Variants in WDR48 observed in about 807,000 individuals in gnomAD.
WDR48 encodes the protein WD repeat-containing protein 48.
Under a neutral mutation model 94.0 loss-of-function variants are expected in WDR48, and 22 were observed. The observed-to-expected ratio is 0.23, with a 90% CI of 0.17 to 0.33. The LOEUF is 0.33. Among genes scored for constraint, WDR48 ranks in the 10% least tolerant of loss-of-function variants. The probability of loss-of-function intolerance (pLI) is 1.00; values close to 1 mark genes in which losing one functional copy is unlikely to be tolerated. For missense variants in WDR48, 541 were observed against 813.8 expected, an observed-to-expected ratio of 0.66 and a Z score of 4.08; for synonymous variants, 278 against 280.5, an observed-to-expected ratio of 0.99 and a Z score of 0.09.
rs765421927 is a variant in WDR48 at position 39,085,550 on chromosome 3, G to T, written c.1414G>T (p.Glu472Ter). 1.2e-6 allele frequency: 2 copies of T among 1,612,398 alleles called. No individual in the cohort carries two copies. Among genetic ancestry groups the T allele is most frequent in the Non-Finnish European group, 1.7e-6 (2 of 1,179,542 alleles). The change falls in exon 14 of 19, where the codon GAA becomes TAA. Residue 472 changes from glutamate (E) to a stop codon, truncating the protein, a stop_gained. Transcript: ENST00000302313. LOFTEE classifies it high-confidence loss of function. Reference protein sequence around the residue: ...LGGLLLQALLEYWPRTHVNPM... With the variant: ...LGGLLLQALL ...AGGACTTTTACTCCAAGCACTCCTGGAATATTGGCCTAGAACACATGTGAA... is the reference window on the plus strand; with the variant it reads ...AGGACTTTTACTCCAAGCACTCCTGTAATATTGGCCTAGAACACATGTGAA...
intron 15 of WDR48, 26 bp from the exon 16 acceptor site, chr3:39,089,204 AC>A (rs1475135640): frequency 1.2e-6 from 2 of 1,600,572 alleles, no homozygotes; most frequent in Admixed American, 3.4e-5. Context: ...TTGTTGGGTT[AC>A]TTACTACTTG....
chr3:39,093,240 G>GA (rs1383046377), intron 17 of WDR48, among the ~76,000 whole-genome samples: 13 of 152,200 alleles, frequency 8.5e-5, no homozygotes, highest in African/African-American at 2.9e-4. Flanking sequence ...TGAGCACTAA[G>GA]AGTGTCGGAC....
intron 17 of WDR48, among the ~76,000 whole-genome samples, chr3:39,093,309 G>A (rs1379700568): frequency 6.6e-6 from 1 of 152,154 alleles, no homozygotes; most frequent in Non-Finnish European, 1.5e-5. Context: ...CCCAGGTTCT[G>A]GGAAAGTATT....
At chr3:39,092,193 AACAC>A (rs1487597381) in intron 17 of WDR48, among the ~76,000 whole-genome samples, 3 of 152,066 alleles carry the variant, frequency 2.0e-5, no homozygotes, top group Non-Finnish European at 4.4e-5. Context: ...TGATAAATAA[AACAC>A]ACATTTTGTC....
chr3:39,057,934 A>T, intron 1 of WDR48, among the ~76,000 whole-genome samples: 1 of 152,264 alleles, frequency 6.6e-6, no homozygotes, highest in East Asian at 1.9e-4. Context: ...TTATTTTTAT[A>T]TATGTATAGT....
chr3:39,078,039 C>G (rs957398947), intron 9 of WDR48, 98 bp from the exon 10 acceptor site: 8 of 868,548 alleles, frequency 9.2e-6, no homozygotes, highest in African/African-American at 3.4e-5. Context: ...TTGAGGTTTT[C>G]TTGTTTGTTT....
chr3:39,065,616 T>C (rs778658950), intron 2 of WDR48, among the ~76,000 whole-genome samples, 195 bp from the exon 3 acceptor site: 4 of 152,076 alleles, frequency 2.6e-5, no homozygotes, highest in Non-Finnish European at 5.9e-5. Flanking sequence ...AGAGTAAAAC[T>C]GTCCTGAAAC....
At chr3:39,076,532 C>T (rs1293335102) in intron 8 of WDR48, among the ~76,000 whole-genome samples, 2 of 152,194 alleles carry the variant, frequency 1.3e-5, no homozygotes, top group African/African-American at 4.8e-5. Flanking sequence ...AGCTAGGAGT[C>T]CTGCCCTGTT....
In WDR48 at chr3:39,084,707, T is replaced by G. The variant is rs1375773791; in HGVS notation, c.1344T>G (p.Ala448=). 6.2e-7 allele frequency: 1 copy of G among 1,613,910 alleles called. No individual in the cohort carries two copies. The highest frequency in any genetic ancestry group is 1.7e-5 in the Admixed American group (1 of 59,974). The part of the protein sequence containing the change: ...CFAAWVSAKD[A]GFSSPDGSDP... Reference sequence around the variant, plus strand: ...CTGCCTGGGTTTCTGCAAAAGATGCTGGTTTCAGCAGCCCTGATGGGTCAG... The same window carrying G: ...CTGCCTGGGTTTCTGCAAAAGATGCGGGTTTCAGCAGCCCTGATGGGTCAG... The change falls in exon 13 of 19, where the codon GCT becomes GCG. Residue 448 remains alanine, a synonymous_variant. Transcript: ENST00000302313.
intron 7 of WDR48, among the ~76,000 whole-genome samples, chr3:39,073,419 A>G (rs1276282721): frequency 1.3e-5 from 2 of 152,106 alleles, no homozygotes; most frequent in East Asian, 3.9e-4. Flanking sequence ...CCTTAAAGTC[A>G]TGGGGCAGGC....
In WDR48 at chr3:39,095,657, A is replaced by T. The variant is rs1343107609; in HGVS notation, c.*914A>T. ...ATTTATGGTGTCAGAATAAAGGGAG[A>T]TCATAGTGAGTTAATTTGATATTCA... On this transcript the variant is annotated 3_prime_UTR_variant, in exon 19 of 19. Transcript: ENST00000302313. The T allele has an allele frequency of 1.3e-5, 2 of 152,262 alleles. No homozygotes were observed. Among genetic ancestry groups the T allele is most frequent in the Non-Finnish European group, 2.9e-5 (2 of 68,034 alleles). 9.4% of individuals were successfully genotyped at this position (152,262 alleles called of 1,614,324 possible). A position where few individuals can be genotyped will look rare whatever the true frequency, so the allele number is the denominator to read the frequency against.
rs1204366587 is a variant in WDR48, at chr3:39,084,676, G to T, written c.1313G>T (p.Cys438Phe). 25 of 1,613,848 alleles carry T rather than the reference G, an allele frequency of 1.5e-5. No homozygotes were observed. Among genetic ancestry groups the T allele is most frequent in the Non-Finnish European group, 2.0e-5 (24 of 1,179,932 alleles). ...ACTATTACTTTGGATGAAAGTGATTGTTTTGCTGCCTGGGTTTCTGCAAAA... is the reference window on the plus strand; with the variant it reads ...ACTATTACTTTGGATGAAAGTGATTTTTTTGCTGCCTGGGTTTCTGCAAAA... ...MLTITLDESDCFAAWVSAKDA... is the reference protein window; with the variant it reads ...MLTITLDESDFFAAWVSAKDA... The change falls in exon 13 of 19, where the codon TGT becomes TTT. Residue 438 changes from cysteine (C) to phenylalanine (F), a missense_variant. Around this residue, in one of 5 missense-constraint regions of WDR48, gnomAD observed 238 missense variants for 285.3 expected, o/e 0.83. Transcript: ENST00000302313.
chr3:39,074,984 T>G (rs754409192), intron 8 of WDR48, 34 bp downstream of exon 8: 1 of 1,598,440 alleles, frequency 6.3e-7, no homozygotes, highest in Non-Finnish European at 8.5e-7. Context: ...GTTTTATAAT[T>G]AAGGTTGTTA....
In WDR48 at chr3:39,068,785, G is replaced by A; in HGVS notation, c.496G>A (p.Gly166Arg). Residue 166 changes from glycine to arginine, a missense_variant, in exon 6 of 19, where the codon GGA becomes AGA. Around this residue, in one of 5 missense-constraint regions of WDR48, gnomAD observed 104 missense variants for 189.7 expected, o/e 0.55. Transcript: ENST00000302313. ...ATCCTCAATAGCTTCTTCTTTAAGT[G>A]GAAACAAAGATTCCATTTATAGCCT... ...NNTVTTSSLS[G>R]NKDSIYSLAM... 6.2e-7 allele frequency: 1 copy of A among 1,601,172 alleles called. No homozygotes were observed. Among genetic ancestry groups the A allele is most frequent in the Non-Finnish European group, 8.5e-7 (1 of 1,171,190 alleles).
At chr3:39,053,338 G>T (rs989470588) in intron 1 of WDR48, among the ~76,000 whole-genome samples, 2 of 152,148 alleles carry the variant, frequency 1.3e-5, no homozygotes, top group Admixed American at 6.5e-5. Flanking sequence ...GCAGAAGGTG[G>T]TAGGCCATAA....
chr3:39,084,621 C>A, intron 12 of WDR48, 24 bp from the exon 13 acceptor site: 1 of 1,591,714 alleles, frequency 6.3e-7, no homozygotes, highest in Non-Finnish European at 8.6e-7. Flanking sequence ...AAATGGGATG[C>A]CACTAAGTTT....
intron 7 of WDR48, 24 bp from the exon 8 acceptor site, chr3:39,074,702 A>G (rs960892403): frequency 1.2e-6 from 2 of 1,612,300 alleles, no homozygotes; most frequent in African/African-American, 2.7e-5. Flanking sequence ...GGCAAGTTCT[A>G]ACTTTGCCTT....
rs571950143 is a variant in WDR48, at chr3:39,084,954, G to A, written c.1378+213G>A. ...TAAAGAATCTGATTCTCGGCCAGGC[G>A]CAGTGGCTCACACCTGTAATCTCAG... On this transcript the variant is annotated intron_variant, in intron 13 of 18. Transcript: ENST00000302313. 2.8e-4 allele frequency among the ~76,000 whole-genome samples: 42 copies of A among 152,240 alleles called. No individual in the cohort carries two copies. The South Asian group carries it at 7.7e-3, about 28-fold the overall frequency.
chr3:39,058,247 G>A (rs113883222), intron 1 of WDR48, among the ~76,000 whole-genome samples: 4,332 of 152,236 alleles, frequency 0.028, 204 homozygotes, highest in African/African-American at 0.099. Flanking sequence ...ACAGGCATGA[G>A]CCACCACACC....
Sources: allele counts gnomAD v4.1 joint callset (sites outside exome capture counted in the v4.1 genomes callset), GRCh38; gene constraint gnomAD v4.1.1; regional missense constraint gnomAD v4.1.1; transcripts MANE v1.5; gene names NCBI Gene and HGNC (gene_info 2026-07-23, HGNC 2026-07-21).